Variants in CNOT4 observed in about 807,000 individuals in gnomAD.
CNOT4 encodes the protein CCR4-NOT transcription complex subunit 4.
Under a neutral mutation model 73.8 loss-of-function variants are expected in CNOT4, and 8 were observed. The ratio of observed to expected loss-of-function variants is 0.11; its 90% CI spans 0.06 to 0.20. The LOEUF is 0.20. CNOT4 is among the 10% of genes least tolerant of loss of function. CNOT4 has a pLI of 1.00. For missense variants in CNOT4, 564 were observed against 883.4 expected (o/e 0.64, Z 4.58); for synonymous variants, 293 against 321.1 (o/e 0.91, Z 0.94).
At chr7:135,467,438 C>T (rs1801289767) in intron 1 of CNOT4, among the ~76,000 whole-genome samples, 1 of 152,110 alleles carries the variant, frequency 6.6e-6, no homozygotes. Flanking sequence ...GGGCCTGGCA[C>T]AGTGGATCAT....
chr7:135,381,088 C>T (rs951913209), intron 10 of CNOT4, among the ~76,000 whole-genome samples: 1 of 151,840 alleles, frequency 6.6e-6, no homozygotes, highest in Non-Finnish European at 1.5e-5. Flanking sequence ...GTCTTTGGTT[C>T]CTTCAAAAAA....
At chr7:135,412,185 G>A (rs3812284) in intron 6 of CNOT4, among the ~76,000 whole-genome samples, 11,954 of 151,926 alleles carry the variant, frequency 0.079, 645 homozygotes, top group Non-Finnish European at 0.12. Context: ...ACTAATATCT[G>A]TGGAAAGCCA....
rs112549965 is a variant in CNOT4 at position 135,419,022 on chromosome 7, T to C, written c.372+3134A>G. On this transcript the variant is annotated intron_variant, in intron 3 of 11. Coordinates refer to ENST00000541284, the MANE Select transcript of CNOT4 (RefSeq NM_001190850.2). The stretch of plus-strand genomic sequence containing the variant: ...ATCAAAATATCTAGCAAATAGTAGG[T>C]ATTCAAGAATTAATTTGCAGAATAA... Among the ~76,000 whole-genome samples, 11 of 152,160 alleles carry C rather than the reference T, an allele frequency of 7.2e-5. 3 individuals are homozygous for C. Among genetic ancestry groups the C allele is most frequent in the African/African-American group, 2.7e-4 (11 of 41,500 alleles).
chr7:135,454,335 G>GA (rs1233236306), intron 1 of CNOT4, among the ~76,000 whole-genome samples: 1 of 151,870 alleles, frequency 6.6e-6, no homozygotes, highest in East Asian at 1.9e-4. Flanking sequence ...GTCTCACAGA[G>GA]AATGTATATG....
intron 1 of CNOT4, among the ~76,000 whole-genome samples, chr7:135,463,266 G>A (rs572063584): frequency 2.0e-5 from 3 of 152,136 alleles, no homozygotes; most frequent in South Asian, 2.1e-4. Flanking sequence ...GACCGGGCAC[G>A]GTGGCTCATG....
At chr7:135,382,731 A>G (rs1795918418) in intron 10 of CNOT4, among the ~76,000 whole-genome samples, 2 of 152,210 alleles carry the variant, frequency 1.3e-5, no homozygotes. Flanking sequence ...TATAACAACT[A>G]TTTACATAGC....
chr7:135,483,038 A>T (rs543892488), intron 1 of CNOT4, among the ~76,000 whole-genome samples: 1 of 150,682 alleles, frequency 6.6e-6, no homozygotes, highest in Non-Finnish European at 1.5e-5. Flanking sequence ...ACAAAATATT[A>T]GCAAATAAAA....
At chr7:135,462,572 T>C (rs1015676734) in intron 1 of CNOT4, among the ~76,000 whole-genome samples, 8 of 152,234 alleles carry the variant, frequency 5.3e-5, no homozygotes, top group African/African-American at 1.7e-4. Flanking sequence ...TAATACTTCC[T>C]TATACTTTTG....
chr7:135,475,981 T>C (rs937972437), intron 1 of CNOT4, among the ~76,000 whole-genome samples: 3 of 152,110 alleles, frequency 2.0e-5, no homozygotes, highest in South Asian at 2.1e-4. Flanking sequence ...ATGTAGAAAA[T>C]TGACCAGTAA....
intron 10 of CNOT4, among the ~76,000 whole-genome samples, chr7:135,372,647 C>G (rs1459253898): frequency 6.6e-6 from 1 of 151,606 alleles, no homozygotes; most frequent in Non-Finnish European, 1.5e-5. Flanking sequence ...ACCTCTGCCT[C>G]CCAAGTTCAA....
At chr7:135,417,779 C>G (rs1382236595) in intron 3 of CNOT4, among the ~76,000 whole-genome samples, 1 of 152,194 alleles carries the variant, frequency 6.6e-6, no homozygotes, top group Non-Finnish European at 1.5e-5. Flanking sequence ...CACCTTCTTT[C>G]TCACCACTGC....
intron 10 of CNOT4, among the ~76,000 whole-genome samples, chr7:135,379,154 G>A (rs1462933129): frequency 6.6e-6 from 1 of 152,134 alleles, no homozygotes; most frequent in Non-Finnish European, 1.5e-5. Flanking sequence ...CAAAGAAAAA[G>A]AAACTGGTTA....
intron 2 of CNOT4, among the ~76,000 whole-genome samples, chr7:135,434,854 A>T (rs1269484204): frequency 6.6e-6 from 1 of 152,168 alleles, no homozygotes; most frequent in Non-Finnish European, 1.5e-5. Context: ...GTTAATGGCC[A>T]TTCTTTACTT....
At chr7:135,383,976 T>C (rs1273634254) in intron 10 of CNOT4, among the ~76,000 whole-genome samples, 1 of 152,206 alleles carries the variant, frequency 6.6e-6, no homozygotes, top group East Asian at 1.9e-4. Flanking sequence ...TCCTATGCTT[T>C]GTGCTAAACC....
chr7:135,465,480 T>C lies in CNOT4; in HGVS notation c.-92-27057A>G, dbSNP rs539724109. 2.0e-5 allele frequency among the ~76,000 whole-genome samples: 3 copies of C among 152,350 alleles called. No homozygotes were observed. In the South Asian group the frequency reaches 6.2e-4, roughly 32 times the overall value. On this transcript the variant is annotated intron_variant, in intron 1 of 11. Coordinates refer to ENST00000541284, the MANE Select transcript of CNOT4 (RefSeq NM_001190850.2). The stretch of plus-strand genomic sequence containing the variant: ...TGTAATACTTGATGATAAACTATGC[T>C]ACTGGTTTATGTATTTACTACACTA...
At chr7:135,453,810 A>T (rs899966509) in intron 1 of CNOT4, among the ~76,000 whole-genome samples, 1 of 115,358 alleles carries the variant, frequency 8.7e-6, no homozygotes, top group African/African-American at 3.4e-5. Context: ...AAATATATAT[A>T]ATAAATATAT....
intron 1 of CNOT4, among the ~76,000 whole-genome samples, chr7:135,479,066 A>G (rs532221722): frequency 1.3e-5 from 2 of 152,288 alleles, no homozygotes; most frequent in South Asian, 4.1e-4. Context: ...TATTTGTAGA[A>G]CAAATTCTTA....
At chr7:135,402,035 T>G (rs1057385060) in intron 7 of CNOT4, among the ~76,000 whole-genome samples, 1 of 151,260 alleles carries the variant, frequency 6.6e-6, no homozygotes, top group Non-Finnish European at 1.5e-5. Context: ...TGTATTTTCA[T>G]ACAAACGATC....
intron 1 of CNOT4, among the ~76,000 whole-genome samples, chr7:135,466,992 T>A (rs948137485): frequency 6.6e-6 from 1 of 152,338 alleles, no homozygotes; most frequent in South Asian, 2.1e-4. Context: ...TGTTAAGCGA[T>A]GCATAACTGT....
Sources: allele counts gnomAD v4.1 joint callset (sites outside exome capture counted in the v4.1 genomes callset), GRCh38; gene constraint gnomAD v4.1.1; transcripts MANE v1.5; gene names NCBI Gene and HGNC (gene_info 2026-07-23, HGNC 2026-07-21).